Variants in CFH observed in about 807,000 individuals in gnomAD.
The protein encoded by CFH is complement factor H.
A neutral mutation model predicts 147.3 loss-of-function variants in CFH; 53 were observed. The ratio of observed to expected loss-of-function variants is 0.36; its 90% CI spans 0.29 to 0.45. The LOEUF (loss-of-function observed/expected upper bound fraction) is 0.45. Among genes scored for constraint, CFH ranks in the 20% least tolerant of loss-of-function variants. CFH has a pLI of 1.00. For synonymous variants in CFH, 536 were observed against 489.4 expected (o/e 1.10, Z -1.26); for missense variants, 1,380 against 1,498.0 (o/e 0.92, Z 1.30).
At chr1:196,658,355 C>T (rs1284314814) in intron 1 of CFH, among the ~76,000 whole-genome samples, 2 of 151,488 alleles carry the variant, frequency 1.3e-5, no homozygotes, top group Non-Finnish European at 2.9e-5. Context: ...TCAAGCAGTC[C>T]TCCCACCTAA....
At chr1:196,737,877 A>T (rs188732309) in intron 17 of CFH, among the ~76,000 whole-genome samples, 4 of 152,300 alleles carry the variant, frequency 2.6e-5, no homozygotes, top group African/African-American at 4.8e-5. Flanking sequence ...ATTAAAAAAT[A>T]ATATCTAGTG....
intron 15 of CFH, among the ~76,000 whole-genome samples, chr1:196,733,529 A>C (rs562292577): frequency 1.1e-3 from 172 of 152,162 alleles, no homozygotes; most frequent in African/African-American, 3.9e-3. Flanking sequence ...TAAACAGGGG[A>C]GCTGCATTTT....
rs555536277 is a variant in CFH, at chr1:196,677,751, A to G, written c.619+84A>G. The G allele has an allele frequency of 4.6e-5, 59 of 1,295,186 alleles. No individual in the cohort carries two copies. The South Asian group carries it at 6.6e-4, about 15-fold the overall frequency. 80.2% of individuals were successfully genotyped at this position (1,295,186 alleles called of 1,614,324 possible). A position where few individuals can be genotyped will look rare whatever the true frequency, so the allele number is the denominator to read the frequency against. The stretch of plus-strand genomic sequence containing the variant: ...AACATCGTTCATTCTAAGGAATATC[A>G]GCAATATTAACAATAGCTAATGTTT... On this transcript the variant is annotated intron_variant, in intron 5 of 21. Transcript: ENST00000367429.
intron 11 of CFH, 53 bp downstream of exon 11, chr1:196,715,822 TC>T: frequency 6.6e-7 from 1 of 1,506,092 alleles, no homozygotes. Context: ...AAATCTGTTT[TC>T]CAATTTTAAA....
intron 2 of CFH, 138 bp downstream of exon 2, chr1:196,673,301 T>G: frequency 1.2e-6 from 1 of 849,330 alleles, no homozygotes; most frequent in South Asian, 1.7e-5. Flanking sequence ...TTTTTTTTTG[T>G]TTTGAGATGG....
intron 1 of CFH, among the ~76,000 whole-genome samples, chr1:196,658,736 T>C (rs1263787618): frequency 2.0e-5 from 3 of 152,002 alleles, no homozygotes; most frequent in Non-Finnish European, 4.4e-5. Flanking sequence ...GCTCAGGTAA[T>C]TTTTAAAATT....
chr1:196,734,289 G>T (rs1429141614), intron 15 of CFH, among the ~76,000 whole-genome samples: 1 of 152,084 alleles, frequency 6.6e-6, no homozygotes, highest in East Asian at 1.9e-4. Flanking sequence ...TTCAGGAGGA[G>T]TTCATTTATG....
rs1286767054 is a variant in CFH at position 196,746,012 on chromosome 1, A to G, written c.3493+13A>G. ...CCAAAATGCTTACGTAAGTACTTTAATATTCACGTGGCTGGAAAAATCTCT... is the reference window on the plus strand; with the variant it reads ...CCAAAATGCTTACGTAAGTACTTTAGTATTCACGTGGCTGGAAAAATCTCT... On this transcript the variant is annotated intron_variant, in intron 21 of 21. Transcript: ENST00000367429. 1.9e-6 allele frequency: 3 copies of G among 1,614,156 alleles called. No individual in the cohort carries two copies. The Admixed American group carries it at 5.0e-5, about 27-fold the overall frequency.
At chr1:196,662,355 T>C (rs183058178) in intron 1 of CFH, among the ~76,000 whole-genome samples, 20 of 152,320 alleles carry the variant, frequency 1.3e-4, no homozygotes, top group African/African-American at 4.6e-4. Context: ...TTGTCATGTG[T>C]TTTATGTATA....
At chr1:196,732,151 G>T (rs1428948950) in intron 15 of CFH, among the ~76,000 whole-genome samples, 2 of 151,798 alleles carry the variant, frequency 1.3e-5, no homozygotes, top group Non-Finnish European at 1.5e-5. Context: ...ATTCCATCTG[G>T]ATCTTAAGCT....
rs201360629 is a variant in CFH at position 196,726,899 on chromosome 1, C to T, written c.2195C>T (p.Thr732Met). The T allele has an allele frequency of 8.4e-5, 135 of 1,613,520 alleles. No homozygotes were observed. Among genetic ancestry groups the T allele is most frequent in the Non-Finnish European group, 1.1e-4 (127 of 1,179,690 alleles). Residue 732 changes from threonine to methionine, a missense_variant, in exon 14 of 22, where the codon ACG (threonine) becomes ATG (methionine). This residue lies in a region of CFH where 830 missense variants were observed against 821.4 expected (regional missense o/e 1.01). Transcript: ENST00000367429. Reference protein sequence around the residue: ...SFTMIGHRSITCIHGVWTQLP... With the variant: ...SFTMIGHRSIMCIHGVWTQLP... ...ACAATGATTGGACACAGATCAATTACGTGTATTCATGGAGTATGGACCCAA... is the reference window on the plus strand; with the variant it reads ...ACAATGATTGGACACAGATCAATTATGTGTATTCATGGAGTATGGACCCAA...
intron 9 of CFH, among the ~76,000 whole-genome samples, chr1:196,711,653 G>T (rs552130871): frequency 1.2e-4 from 19 of 152,098 alleles, no homozygotes; most frequent in African/African-American, 3.9e-4. Flanking sequence ...AAAAACCCCA[G>T]AGATAGTTTG....
chr1:196,731,357 G>T (rs1331372671), intron 15 of CFH, among the ~76,000 whole-genome samples: 1 of 151,836 alleles, frequency 6.6e-6, no homozygotes, highest in African/African-American at 2.4e-5. Flanking sequence ...TAAGCTGATA[G>T]GAACTGAATT....
chr1:196,683,677 C>T (rs1667730533), intron 6 of CFH, among the ~76,000 whole-genome samples: 1 of 151,618 alleles, frequency 6.6e-6, no homozygotes, highest in African/African-American at 2.4e-5. Context: ...TTAAAGCTAA[C>T]CTGAATTTGA....
At chr1:196,685,460 A>T (rs1306520860) in intron 7 of CFH, among the ~76,000 whole-genome samples, 1 of 152,104 alleles carries the variant, frequency 6.6e-6, no homozygotes, top group African/African-American at 2.4e-5. Flanking sequence ...CTAATTAATA[A>T]ATTATTCCAA....
In CFH at chr1:196,684,816, T is replaced by C. The variant is rs538506017; in HGVS notation, c.791-248T>C. ...GAACATTGCCAGTTATGGAAAATCA[T>C]GAAGTATGGGATGACTTTGGAGAAG... On this transcript the variant is annotated intron_variant, in intron 6 of 21. Transcript: ENST00000367429. Among the ~76,000 whole-genome samples, 57 of 152,104 alleles carry C rather than the reference T, an allele frequency of 3.7e-4. No homozygotes were observed. The South Asian group carries it at 5.6e-3, about 15-fold the overall frequency.
chr1:196,705,239 A>T (rs1668558908), intron 9 of CFH, among the ~76,000 whole-genome samples: 1 of 152,104 alleles, frequency 6.6e-6, no homozygotes, highest in Non-Finnish European at 1.5e-5. Context: ...AGTATCCAAG[A>T]AAAAAATCAC....
intron 15 of CFH, among the ~76,000 whole-genome samples, chr1:196,732,836 T>G (rs972875332): frequency 2.0e-5 from 3 of 152,162 alleles, no homozygotes; most frequent in Non-Finnish European, 4.4e-5. Context: ...ATAGTGAAAG[T>G]GAATGTGCGT....
At chr1:196,719,046 G>A (rs1024840179) in intron 11 of CFH, among the ~76,000 whole-genome samples, 1 of 151,862 alleles carries the variant, frequency 6.6e-6, no homozygotes, top group Non-Finnish European at 1.5e-5. Flanking sequence ...TTGTTATTAT[G>A]GAGCACTTAA....
Sources: gnomAD v4.1 joint callset for allele counts (sites outside exome capture counted in the v4.1 genomes callset) on GRCh38, gnomAD v4.1.1 for gene constraint, gnomAD v4.1.1 regional missense constraint, MANE v1.5 for transcripts, NCBI Gene and HGNC (gene_info 2026-07-23, HGNC 2026-07-21) for gene names.